The following TAFA1 variants were observed in gnomAD, a reference collection of about 807,000 sequenced individuals.
TAFA1 encodes TAFA chemokine like family member 1.
A neutral mutation model predicts 18.5 loss-of-function variants in TAFA1; 4 were observed. The observed-to-expected ratio is 0.22, with a 90% confidence interval of 0.11 to 0.49. The LOEUF is 0.49. TAFA1 is among the 20% of genes least tolerant of loss of function. TAFA1 has a pLI of 0.98. For synonymous variants in TAFA1, 56 were observed against 55.2 expected (o/e 1.01, Z -0.06); for missense variants, 147 against 169.0 (o/e 0.87, Z 0.72).
At chr3:68,007,025 G>A (rs551710812) in intron 2 of TAFA1, among the ~76,000 whole-genome samples, 10 of 152,300 alleles carry the variant, frequency 6.6e-5, no homozygotes, top group African/African-American at 2.4e-4. Context: ...GGATGCTTTG[G>A]CCAATAGCAG....
intron 2 of TAFA1, among the ~76,000 whole-genome samples, chr3:68,058,552 A>C (rs1213943610): frequency 2.6e-5 from 4 of 152,326 alleles, no homozygotes; most frequent in African/African-American, 7.2e-5. Flanking sequence ...AAGATCTCTG[A>C]GTTATTAATA....
At chr3:68,170,886 G>A (rs115951770) in intron 2 of TAFA1, among the ~76,000 whole-genome samples, 4,687 of 146,370 alleles carry the variant, frequency 0.032, 250 homozygotes, top group African/African-American at 0.11. Context: ...ACACACACAC[G>A]TACACACACA....
At chr3:68,410,939 G>A (rs1167179790) in intron 2 of TAFA1, among the ~76,000 whole-genome samples, 1 of 152,068 alleles carries the variant, frequency 6.6e-6, no homozygotes, top group Non-Finnish European at 1.5e-5. Flanking sequence ...TAGTTCACAA[G>A]GTAAACCTTA....
At chr3:68,085,443 C>G (rs575747118) in intron 2 of TAFA1, among the ~76,000 whole-genome samples, 35 of 152,160 alleles carry the variant, frequency 2.3e-4, no homozygotes, top group Admixed American at 7.9e-4. Context: ...ACATTTTGAG[C>G]ATGCCAAGGT....
At chr3:68,137,983 A>T (rs201480557) in intron 2 of TAFA1, among the ~76,000 whole-genome samples, 3 of 15,116 alleles carry the variant, frequency 2.0e-4, no homozygotes, top group Admixed American at 8.8e-4. Context: ...GCTACTATTT[A>T]AAAAAAAAAA....
At chr3:68,488,072 TAGCC>T (rs1407153837) in intron 3 of TAFA1, among the ~76,000 whole-genome samples, 1 of 152,164 alleles carries the variant, frequency 6.6e-6, no homozygotes, top group Non-Finnish European at 1.5e-5. Context: ...GCGTATGTAT[TAGCC>T]AGGGTTCTCT....
At chr3:68,453,685 G>A (rs1260750243) in intron 3 of TAFA1, among the ~76,000 whole-genome samples, 1 of 152,186 alleles carries the variant, frequency 6.6e-6, no homozygotes. Context: ...TTGACAAATA[G>A]CAATATGCCG....
At chr3:68,110,031 T>C (rs966625347) in intron 2 of TAFA1, among the ~76,000 whole-genome samples, 2 of 152,160 alleles carry the variant, frequency 1.3e-5, no homozygotes, top group Admixed American at 6.5e-5. Context: ...GTTTGCTACA[T>C]AGGTAAACGT....
intron 2 of TAFA1, among the ~76,000 whole-genome samples, chr3:68,255,290 A>G (rs927269473): frequency 6.6e-6 from 1 of 152,174 alleles, no homozygotes; most frequent in Non-Finnish European, 1.5e-5. Context: ...GGTTTGGCTT[A>G]CAAACCTATA....
chr3:68,461,408 A>G (rs1436614164), intron 3 of TAFA1, among the ~76,000 whole-genome samples: 1 of 114,138 alleles, frequency 8.8e-6, no homozygotes, highest in Non-Finnish European at 1.8e-5. Flanking sequence ...CATCCCATCT[A>G]GAGATTTTTA....
intron 3 of TAFA1, among the ~76,000 whole-genome samples, chr3:68,537,221 C>T (rs1278787624): frequency 6.6e-6 from 1 of 152,118 alleles, no homozygotes; most frequent in Non-Finnish European, 1.5e-5. Context: ...AGAAAAACTC[C>T]TTCATCTTCT....
At chr3:68,496,297 C>G (rs1042169184) in intron 3 of TAFA1, among the ~76,000 whole-genome samples, 4 of 152,158 alleles carry the variant, frequency 2.6e-5, no homozygotes, top group Admixed American at 6.5e-5. Flanking sequence ...CCCCTTCAAC[C>G]TGGGCTGTCC....
intron 2 of TAFA1, among the ~76,000 whole-genome samples, chr3:68,197,761 A>C (rs903964591): frequency 6.6e-6 from 1 of 151,860 alleles, no homozygotes; most frequent in African/African-American, 2.4e-5. Context: ...CTGATGATAC[A>C]CTTAGTTGCA....
chr3:68,529,515 T>C (rs2073158706), intron 3 of TAFA1, among the ~76,000 whole-genome samples: 1 of 151,280 alleles, frequency 6.6e-6, no homozygotes, highest in African/African-American at 2.4e-5. Context: ...TATTAAGCCT[T>C]TGTCTTAGTC....
At chr3:68,504,018 C>A (rs2072706724) in intron 3 of TAFA1, among the ~76,000 whole-genome samples, 1 of 151,856 alleles carries the variant, frequency 6.6e-6, no homozygotes, top group Non-Finnish European at 1.5e-5. Context: ...TAGTGCATAC[C>A]TAATTGACTG....
chr3:68,257,736 A>G (rs1246336226), intron 2 of TAFA1, among the ~76,000 whole-genome samples: 1 of 152,162 alleles, frequency 6.6e-6, no homozygotes, highest in Non-Finnish European at 1.5e-5. Flanking sequence ...TAGACTCAGT[A>G]ACTTGCTTCC....
At chr3:68,441,068 A>G (rs2106867907) in intron 3 of TAFA1, among the ~76,000 whole-genome samples, 1 of 152,300 alleles carries the variant, frequency 6.6e-6, no homozygotes, top group African/African-American at 2.4e-5. Flanking sequence ...GTAAAGAATA[A>G]GTTGCTGCAT....
intron 2 of TAFA1, among the ~76,000 whole-genome samples, chr3:68,248,039 C>T (rs766587150): frequency 3.5e-4 from 54 of 152,272 alleles, no homozygotes; most frequent in Non-Finnish European, 6.8e-4. Flanking sequence ...TTAGGTGTGA[C>T]CTCACTTAGA....
intron 3 of TAFA1, among the ~76,000 whole-genome samples, chr3:68,524,163 C>T (rs958566779): frequency 1.3e-5 from 2 of 152,114 alleles, no homozygotes; most frequent in African/African-American, 4.8e-5. Context: ...GCCTCTGTCA[C>T]ATGTCTGATG....
Sources: gnomAD v4.1 joint callset for allele counts (sites outside exome capture counted in the v4.1 genomes callset) on GRCh38, gnomAD v4.1.1 for gene constraint, MANE v1.5 for transcripts, NCBI Gene and HGNC (gene_info 2026-07-23, HGNC 2026-07-21) for gene names.